ZNF732: variants seen among roughly 807,000 people sequenced by gnomAD.
ZNF732 encodes zinc finger protein LOC654254.
A neutral mutation model predicts 11.5 loss-of-function variants in ZNF732; 12 were observed. That is an observed-to-expected ratio of 1.05 (90% CI 0.67 to 1.70). ZNF732 has a LOEUF of 1.70. ZNF732 is among the 40% of genes most tolerant of loss of function. The pLI, the probability that ZNF732 is intolerant of heterozygous loss-of-function variation, is 0.00. For synonymous variants in ZNF732, 231 were observed against 236.5 expected, an observed-to-expected ratio of 0.98 and a Z score of 0.21; for missense variants, 702 against 676.9, an observed-to-expected ratio of 1.04 and a Z score of -0.41.
At chr4:295,845 G>C (rs1459404041) in intron 2 of ZNF732, among the ~76,000 whole-genome samples, 184 bp downstream of exon 2, 1 of 152,122 alleles carries the variant, frequency 6.6e-6, no homozygotes, top group Non-Finnish European at 1.5e-5. Flanking sequence ...CAAGAAAAGA[G>C]AAGGTTTACG....
In ZNF732 at chr4:271,378, C is replaced by G; in HGVS notation, c.1479G>C (p.Lys493Asn). The G allele has an allele frequency of 6.3e-7, 1 of 1,599,900 alleles. No individual in the cohort carries two copies. The highest frequency in any genetic ancestry group is 8.5e-7 in the Non-Finnish European group (1 of 1,172,792). Residue 493 changes from lysine to asparagine, a missense_variant, in exon 4 of 4, where the codon AAG becomes AAC. Around this residue, in one of 3 missense-constraint regions of ZNF732, gnomAD observed 12 missense variants for 31.5 expected, o/e 0.38. Coordinates refer to ENST00000419098, the MANE Select transcript of ZNF732 (RefSeq NM_001137608.3). ...AAGGTTTCTCTCCAGTATGAATTGTCTTATGTTTATTCAGGGCTCTGGAAC... is the reference window on the plus strand; with the variant it reads ...AAGGTTTCTCTCCAGTATGAATTGTGTTATGTTTATTCAGGGCTCTGGAAC... The part of the protein sequence containing the change: ...FLCSRALNKH[K>N]TIHTGEKPYE...
chr4:276,811 C>G lies in ZNF732; in HGVS notation c.227-4181G>C, dbSNP rs140101630. ...CAGAAATGGAAAAAACAAACTTAAACTTCACAGGGAACCACCAAAGACCCC... is the reference window on the plus strand; with the variant it reads ...CAGAAATGGAAAAAACAAACTTAAAGTTCACAGGGAACCACCAAAGACCCC... On this transcript the variant is annotated intron_variant, in intron 3 of 3. Coordinates refer to ENST00000419098, the MANE Select transcript of ZNF732 (RefSeq NM_001137608.3). Among the ~76,000 whole-genome samples the G allele has an allele frequency of 2.3e-3, 346 of 151,318 alleles. 1 individual carries two copies. Among genetic ancestry groups the G allele is most frequent in the African/African-American group, 7.9e-3 (327 of 41,310 alleles).
intron 1 of ZNF732, among the ~76,000 whole-genome samples, chr4:299,837 C>T (rs1195597511): frequency 1.4e-5 from 2 of 147,530 alleles, no homozygotes; most frequent in African/African-American, 5.0e-5. Context: ...GCTGGGATTA[C>T]AGGCATGCGC....
rs138354844 is a variant in ZNF732 at position 296,998 on chromosome 4, G to A, written c.4-843C>T. Among the ~76,000 whole-genome samples the A allele has an allele frequency of 1.2e-3, 183 of 152,228 alleles. 4 individuals are homozygous for A. The East Asian group carries it at 0.031, about 26-fold the overall frequency. ...GAAAAACAACATGTGGTCCAGGGGT[G>A]GTGGCTCATGCCTGTAATCCCAGCA... On this transcript the variant is annotated intron_variant, in intron 1 of 3. Coordinates refer to ENST00000419098, the MANE Select transcript of ZNF732 (RefSeq NM_001137608.3).
Position 270,793 on chromosome 4 carries a change from T to C in ZNF732, c.*306A>G. ...GGATTCATCTCCCATATGAATTTTC[T>C]TATGTTCACTCAGGGTTGTGGACCA... On this transcript the variant is annotated 3_prime_UTR_variant, in exon 4 of 4. Transcript: ENST00000419098. 1.8e-6 allele frequency: 1 copy of C among 553,960 alleles called. No homozygotes were observed. The highest frequency in any genetic ancestry group is 3.4e-6 in the Non-Finnish European group (1 of 293,812). 34.3% of individuals were successfully genotyped at this position (553,960 alleles called of 1,614,324 possible).
chr4:287,911 G>A (rs1719765126), intron 3 of ZNF732, among the ~76,000 whole-genome samples: 2 of 151,812 alleles, frequency 1.3e-5, no homozygotes, highest in South Asian at 4.2e-4. Flanking sequence ...CACCAACAGT[G>A]CACAAGAGTT....
At chr4:291,266 A>C (rs943952631) in intron 3 of ZNF732, among the ~76,000 whole-genome samples, 2 of 152,200 alleles carry the variant, frequency 1.3e-5, no homozygotes, top group Admixed American at 1.3e-4. Context: ...TTGTGTTTAT[A>C]AGGCAAGGTC....
At chr4:292,088 G>A (rs1261656124) in intron 3 of ZNF732, among the ~76,000 whole-genome samples, 1 of 151,980 alleles carries the variant, frequency 6.6e-6, no homozygotes, top group Admixed American at 6.5e-5. Context: ...TTCAATATAA[G>A]ATAAAAAACC....
At chr4:288,440 C>T (rs188551189) in intron 3 of ZNF732, among the ~76,000 whole-genome samples, 1 of 152,282 alleles carries the variant, frequency 6.6e-6, no homozygotes, top group East Asian at 1.9e-4. Flanking sequence ...GGGAAGGATC[C>T]AACCTCAATT....
chr4:271,916 A>G lies in ZNF732; in HGVS notation c.941T>C (p.Val314Ala), dbSNP rs782267110. Residue 314 changes from valine to alanine, a missense_variant, in exon 4 of 4, where the codon GTC becomes GCC. Coordinates refer to ENST00000419098, the MANE Select transcript of ZNF732 (RefSeq NM_001137608.3). ...AGTAAGGGTTGTGGACCTATTAAAG[A>G]CTTTGCCACATTCCTGACATTTGTA... The part of the protein sequence containing the change: ...KLYKCQECGK[V>A]FNRSTTLTKH... 2.5e-6 allele frequency: 4 copies of G among 1,609,308 alleles called. No homozygotes were observed. The highest frequency in any genetic ancestry group is 3.4e-6 in the Non-Finnish European group (4 of 1,178,226).
At chr4:281,107 G>C (rs1444103502) in intron 3 of ZNF732, among the ~76,000 whole-genome samples, 1 of 152,192 alleles carries the variant, frequency 6.6e-6, no homozygotes, top group African/African-American at 2.4e-5. Flanking sequence ...CTGCCAAAAA[G>C]CACACCTGTA....
intron 3 of ZNF732, among the ~76,000 whole-genome samples, chr4:286,460 A>C (rs1719734431): frequency 6.6e-6 from 1 of 152,244 alleles, no homozygotes; most frequent in African/African-American, 2.4e-5. Flanking sequence ...AATATTATTC[A>C]GCTTCTTAAA....
intron 3 of ZNF732, among the ~76,000 whole-genome samples, chr4:288,420 C>T (rs1467468864): frequency 2.0e-5 from 3 of 152,152 alleles, no homozygotes; most frequent in Admixed American, 6.5e-5. Context: ...AGTTTTTGTA[C>T]ATGGTTCAGG....
intron 3 of ZNF732, among the ~76,000 whole-genome samples, chr4:274,530 A>G (rs1198105158): frequency 6.6e-6 from 1 of 151,684 alleles, no homozygotes; most frequent in Non-Finnish European, 1.5e-5. Flanking sequence ...AATTATTCAA[A>G]TATTTATGAA....
chr4:272,960 C>T (rs958138779), intron 3 of ZNF732, among the ~76,000 whole-genome samples: 8 of 152,106 alleles, frequency 5.3e-5, no homozygotes, highest in Admixed American at 1.3e-4. Context: ...AAACTGTCAA[C>T]TCCTGTCTTC....
At chr4:302,044 G>C (rs1473029135) in intron 1 of ZNF732, among the ~76,000 whole-genome samples, 1 of 151,690 alleles carries the variant, frequency 6.6e-6, no homozygotes, top group African/African-American at 2.4e-5. Context: ...AGTTATTTTT[G>C]TAGAAATCCA....
At chr4:276,275 CTT>C (rs1719494357) in intron 3 of ZNF732, among the ~76,000 whole-genome samples, 1 of 151,806 alleles carries the variant, frequency 6.6e-6, no homozygotes, top group Non-Finnish European at 1.5e-5. Context: ...CACAGAGACT[CTT>C]ATATTGGAAA....
chr4:301,623 A>G (rs1553843622), intron 1 of ZNF732, among the ~76,000 whole-genome samples: 1 of 152,220 alleles, frequency 6.6e-6, no homozygotes, highest in Non-Finnish European at 1.5e-5. Flanking sequence ...CAAGGACAAA[A>G]AACCAAACAC....
chr4:270,804 C>G lies in ZNF732; in HGVS notation c.*295G>C. 1 of 582,964 alleles carries G rather than the reference C, an allele frequency of 1.7e-6. No homozygotes were observed. Among genetic ancestry groups the G allele is most frequent in the Non-Finnish European group, 3.2e-6 (1 of 311,246 alleles). 36.1% of individuals were successfully genotyped at this position (582,964 alleles called of 1,614,324 possible). On this transcript the variant is annotated 3_prime_UTR_variant, in exon 4 of 4. Transcript: ENST00000419098. ...CCATATGAATTTTCTTATGTTCACT[C>G]AGGGTTGTGGACCATCTAAAAGCTT...
Sources: allele counts gnomAD v4.1 joint callset (sites outside exome capture counted in the v4.1 genomes callset), GRCh38; gene constraint gnomAD v4.1.1; regional missense constraint gnomAD v4.1.1; transcripts MANE v1.5; gene names NCBI Gene and HGNC (gene_info 2026-07-23, HGNC 2026-07-21).